MOCOS: variants seen among roughly 807,000 people sequenced by gnomAD.
MOCOS encodes the protein human molybdenum cofactor sulfurase.
MOCOS carries 86 observed loss-of-function variants against 83.6 expected under a neutral mutation model. The observed-to-expected ratio is 1.03, with a 90% CI of 0.86 to 1.23. MOCOS has a LOEUF of 1.23. MOCOS is among the 50% of genes most tolerant of loss of function. The probability of loss-of-function intolerance (pLI) is 0.00; values close to 1 mark genes in which losing one functional copy is unlikely to be tolerated. For synonymous variants in MOCOS, 445 were observed against 434.7 expected (o/e 1.02, Z -0.29); for missense variants, 1,120 against 1,126.9 (o/e 0.99, Z 0.09).
At chr18:36,193,450 C>G (rs777249165) in intron 1 of MOCOS, among the ~76,000 whole-genome samples, 2 of 148,622 alleles carry the variant, frequency 1.3e-5, no homozygotes, top group Non-Finnish European at 3.0e-5. Context: ...TGTCTATGGT[C>G]AATTGATTTT....
chr18:36,224,550 T>C (rs2091508349), intron 9 of MOCOS, among the ~76,000 whole-genome samples: 1 of 152,200 alleles, frequency 6.6e-6, no homozygotes, highest in Admixed American at 6.5e-5. Context: ...GAATATGTAA[T>C]TTTCTCCTCT....
At chr18:36,204,472 A>G (rs1363783429) in intron 5 of MOCOS, among the ~76,000 whole-genome samples, 3 of 152,246 alleles carry the variant, frequency 2.0e-5, no homozygotes, top group Non-Finnish European at 2.9e-5. Context: ...AGAGGAAAAA[A>G]CATACATTTT....
chr18:36,239,813 T>G (rs2091574116), intron 9 of MOCOS, among the ~76,000 whole-genome samples: 1 of 151,460 alleles, frequency 6.6e-6, no homozygotes, highest in Non-Finnish European at 1.5e-5. Context: ...GTCCCATATT[T>G]CTTGGAGGCT....
At chr18:36,251,374 A>T in intron 11 of MOCOS, 91 bp downstream of exon 11, 1 of 1,518,028 alleles carries the variant, frequency 6.6e-7, no homozygotes, top group East Asian at 2.3e-5. Context: ...CTTACGGGTG[A>T]CTTGCTGATG....
intron 7 of MOCOS, among the ~76,000 whole-genome samples, chr18:36,214,594 G>A (rs958593156): frequency 2.0e-5 from 3 of 152,118 alleles, no homozygotes; most frequent in Admixed American, 6.5e-5. Flanking sequence ...AATAATTTGA[G>A]TGGCAAAGAG....
chr18:36,203,402 A>T (rs1403968596), intron 5 of MOCOS, among the ~76,000 whole-genome samples: 1 of 152,248 alleles, frequency 6.6e-6, no homozygotes, highest in South Asian at 2.1e-4. Context: ...TTCAGCTAAA[A>T]TAACATTTTA....
intron 6 of MOCOS, 63 bp downstream of exon 6, chr18:36,205,339 T>C: frequency 1.3e-6 from 2 of 1,537,012 alleles, no homozygotes; most frequent in Non-Finnish European, 9.0e-7. Context: ...ACGAGAGCAA[T>C]GTAGTGTGAC....
In MOCOS at chr18:36,187,579, A is replaced by T. The variant is rs779808561; in HGVS notation, c.40A>T (p.Thr14Ser). ...GGCGGAGTCAGGGCGGGAGCTGTGG[A>T]CCTTCGCGGGTTCCCGGGACCCGAG... ...AAAESGRELW[T>S]FAGSRDPSAP... Residue 14 changes from threonine (T) to serine (S), a missense_variant, in exon 1 of 15, where the codon ACC becomes TCC. By Grantham distance (58) the Thr-to-Ser change is moderately conservative. Coordinates refer to ENST00000261326, the MANE Select transcript of MOCOS (RefSeq NM_017947.4). 19 of 1,246,674 alleles carry T rather than the reference A, an allele frequency of 1.5e-5. No individual in the cohort carries two copies. The highest frequency in any genetic ancestry group is 1.2e-4 in the Admixed American group (3 of 24,578). The allele number at this position is 1,246,674 out of a possible 1,614,324, so 77.2% of individuals were successfully genotyped here.
chr18:36,271,291 A>T lies in MOCOS; in HGVS notation c.*2606A>T, dbSNP rs1260133917. ...CTCTAGTGTCAGCAGACAATACTCAAAATTTGTTGACAGACTATTTAAAGC... is the reference window on the plus strand; with the variant it reads ...CTCTAGTGTCAGCAGACAATACTCATAATTTGTTGACAGACTATTTAAAGC... On this transcript the variant is annotated 3_prime_UTR_variant, in exon 15 of 15. Transcript: ENST00000261326. 6.6e-6 allele frequency: 1 copy of T among 152,144 alleles called. No individual in the cohort carries two copies. Among genetic ancestry groups the T allele is most frequent in the Non-Finnish European group, 1.5e-5 (1 of 68,026 alleles). 9.4% of individuals were successfully genotyped at this position (152,144 alleles called of 1,614,324 possible).
At chr18:36,260,303 T>A in intron 13 of MOCOS, 128 bp downstream of exon 13, 1 of 1,217,848 alleles carries the variant, frequency 8.2e-7, no homozygotes. Context: ...AAAATCTTGG[T>A]GGGAGGTTAT....
Position 36,271,820 on chromosome 18 carries a change from C to T in MOCOS, c.*3135C>T, listed in dbSNP as rs1484928566. On this transcript the variant is annotated 3_prime_UTR_variant, in exon 15 of 15. Coordinates refer to ENST00000261326, the MANE Select transcript of MOCOS (RefSeq NM_017947.4). ...CATTGAGAGTCAGCCTCATCCCCTC[C>T]TCAGCCTTGTGGATGGAGAAGAACA... The T allele has an allele frequency of 2.0e-5, 3 of 152,186 alleles. No individual in the cohort carries two copies. Among genetic ancestry groups the T allele is most frequent in the Non-Finnish European group, 4.4e-5 (3 of 68,032 alleles). The allele number at this position is 152,186 out of a possible 1,614,324, so 9.4% of individuals were successfully genotyped here.
chr18:36,229,760 T>C (rs2091530966), intron 9 of MOCOS, among the ~76,000 whole-genome samples: 1 of 152,004 alleles, frequency 6.6e-6, no homozygotes, highest in East Asian at 1.9e-4. Context: ...TTGCTTATCT[T>C]TTCTTTTGCT....
intron 1 of MOCOS, among the ~76,000 whole-genome samples, chr18:36,191,020 C>CA (rs113481286): frequency 0.052 from 4,214 of 81,362 alleles, 319 homozygotes; most frequent in African/African-American, 0.15. Context: ...CCCTATCTCT[C>CA]AAAAAAAAAA....
chr18:36,214,195 G>C (rs2091466518), intron 7 of MOCOS, among the ~76,000 whole-genome samples: 1 of 131,232 alleles, frequency 7.6e-6, no homozygotes, highest in Admixed American at 9.1e-5. Context: ...GGTGAGCTGA[G>C]ATTCTGCCAT....
Position 36,187,501 on chromosome 18 carries a change from T to C in MOCOS, c.-39T>C, listed in dbSNP as rs1666804355. Reference sequence around the variant, plus strand: ...GTCGCCGGGGGCCGGCTTCGCGCACTTCCCGGGCCCGGCCGGCCTGGATGG... The same window carrying C: ...GTCGCCGGGGGCCGGCTTCGCGCACCTCCCGGGCCCGGCCGGCCTGGATGG... On this transcript the variant is annotated 5_prime_UTR_variant, in exon 1 of 15. Transcript: ENST00000261326. 26 of 1,225,996 alleles carry C rather than the reference T, an allele frequency of 2.1e-5. No homozygotes were observed. The East Asian group carries it at 8.3e-4, about 39-fold the overall frequency. The allele number at this position is 1,225,996 out of a possible 1,614,324, so 75.9% of individuals were successfully genotyped here. A position where few individuals can be genotyped will look rare whatever the true frequency, so the allele number is the denominator to read the frequency against.
At chr18:36,217,301 G>C (rs142762884) in intron 8 of MOCOS, among the ~76,000 whole-genome samples, 20 of 152,298 alleles carry the variant, frequency 1.3e-4, no homozygotes, top group African/African-American at 4.8e-4. Flanking sequence ...ATCAGAATTG[G>C]AGTGAAACGT....
At chr18:36,192,793 G>T (rs1047264120) in intron 1 of MOCOS, among the ~76,000 whole-genome samples, 1 of 151,944 alleles carries the variant, frequency 6.6e-6, no homozygotes, top group African/African-American at 2.4e-5. Flanking sequence ...GATTACAGGC[G>T]CACGCCATTA....
intron 6 of MOCOS, among the ~76,000 whole-genome samples, chr18:36,206,883 CTG>C (rs1333219580): frequency 6.6e-6 from 1 of 152,210 alleles, no homozygotes; most frequent in Admixed American, 6.5e-5. Flanking sequence ...CAGTCTACCA[CTG>C]ATGGGCATAT....
In MOCOS at chr18:36,187,763, G is replaced by T. The variant is rs1336712435; in HGVS notation, c.142+82G>T. 13 of 1,229,418 alleles carry T rather than the reference G, an allele frequency of 1.1e-5. No homozygotes were observed. The East Asian group carries it at 4.0e-4, about 38-fold the overall frequency. 76.2% of individuals were successfully genotyped at this position (1,229,418 alleles called of 1,614,324 possible). A position where few individuals can be genotyped will look rare whatever the true frequency, so the allele number is the denominator to read the frequency against. On this transcript the variant is annotated intron_variant, in intron 1 of 14. Coordinates refer to ENST00000261326, the MANE Select transcript of MOCOS (RefSeq NM_017947.4). Reference sequence around the variant, plus strand: ...ATCTTTTGCTCCTAGTGAGAGCGGCGCTACCTCATTCGGGCGCATTTTGAA... The same window carrying T: ...ATCTTTTGCTCCTAGTGAGAGCGGCTCTACCTCATTCGGGCGCATTTTGAA...
Sources: gnomAD v4.1 joint callset for allele counts (sites outside exome capture counted in the v4.1 genomes callset) on GRCh38, gnomAD v4.1.1 for gene constraint, MANE v1.5 for transcripts, NCBI Gene and HGNC (gene_info 2026-07-23, HGNC 2026-07-21) for gene names.